Variants in COPG2 observed in about 807,000 individuals in gnomAD.
The protein encoded by COPG2 is coatomer subunit gamma-2.
COPG2 carries 37 observed loss-of-function variants against 46.3 expected under a neutral mutation model. The observed-to-expected ratio is 0.80, with a 90% confidence interval of 0.61 to 1.05. COPG2 has a LOEUF of 1.05. Among genes scored for constraint, COPG2 ranks in the 50% least tolerant of loss-of-function variants. COPG2 has a pLI of 0.00. For synonymous variants in COPG2, 159 were observed against 129.7 expected, an observed-to-expected ratio of 1.23 and a Z score of -1.53; for missense variants, 427 against 387.8, an observed-to-expected ratio of 1.10 and a Z score of -0.85.
intron 20 of COPG2, among the ~76,000 whole-genome samples, chr7:130,531,818 G>T (rs1799828863): frequency 1.4e-5 from 2 of 141,086 alleles, no homozygotes; most frequent in South Asian, 2.6e-4. Flanking sequence ...GCCGTCCACA[G>T]CAGTGATTCT....
intron 9 of COPG2, among the ~76,000 whole-genome samples, chr7:130,578,155 A>G (rs1361586117): frequency 1.3e-5 from 2 of 150,156 alleles, no homozygotes; most frequent in Non-Finnish European, 3.0e-5. Context: ...AGATCTGAGA[A>G]CGGGCAGACT....
intron 9 of COPG2, among the ~76,000 whole-genome samples, chr7:130,571,216 G>A (rs1793891618): frequency 6.6e-6 from 1 of 152,164 alleles, no homozygotes; most frequent in African/African-American, 2.4e-5. Flanking sequence ...AAACTAAAAA[G>A]CTTCTGTACA....
chr7:130,583,794 A>G (rs151100129), intron 9 of COPG2, among the ~76,000 whole-genome samples: 55,406 of 124,166 alleles, frequency 0.45, 14,560 homozygotes, highest in East Asian at 0.61. Context: ...CAACAGAGCG[A>G]GACTCCATCT....
chr7:130,548,174 G>A (rs1793475427), intron 19 of COPG2, among the ~76,000 whole-genome samples: 1 of 152,206 alleles, frequency 6.6e-6, no homozygotes, highest in African/African-American at 2.4e-5. Flanking sequence ...TATACTTTAT[G>A]TTGTCCAACT....
Position 130,554,716 on chromosome 7 carries a change from A to ACC in COPG2, c.1232_1233insGG (p.Phe411LeufsTer12). ...AGTCCACAATGGCCCGCTTGTACTC[A>ACC]AAGCCTCCCTGGCAAAAAAGAAGAT... On this transcript the variant is annotated frameshift_variant, in exon 14 of 24. Coordinates refer to ENST00000425248, the MANE Select transcript of COPG2 (RefSeq NM_012133.6). LOFTEE classifies it high-confidence loss of function. 7.5e-6 allele frequency: 3 copies of ACC among 398,622 alleles called. No individual in the cohort carries two copies. The highest frequency in any genetic ancestry group is 1.3e-5 in the Non-Finnish European group (3 of 226,068). The allele number at this position is 398,622 out of a possible 1,614,324, so 24.7% of individuals were successfully genotyped here.
At chr7:130,618,161 C>T (rs1419507033) in intron 5 of COPG2, among the ~76,000 whole-genome samples, 9 of 141,924 alleles carry the variant, frequency 6.3e-5, no homozygotes, top group South Asian at 2.3e-4. Context: ...AATTTTGTAG[C>T]GTGGGCATTT....
chr7:130,515,688 T>C (rs1306283706), intron 20 of COPG2, among the ~76,000 whole-genome samples: 2 of 151,808 alleles, frequency 1.3e-5, no homozygotes, highest in African/African-American at 4.8e-5. Flanking sequence ...CTGAAGAGAC[T>C]TGAATGAAAG....
At chr7:130,610,068 TACTG>T (rs782201291) in intron 9 of COPG2, 1 of 519,444 alleles carries the variant, frequency 1.9e-6, no homozygotes. Context: ...AGTCAGCTTC[TACTG>T]ACTATTTTTT....
At chr7:130,650,457 A>G (rs1470367685) in intron 5 of COPG2, among the ~76,000 whole-genome samples, 1 of 151,968 alleles carries the variant, frequency 6.6e-6, no homozygotes, top group Non-Finnish European at 1.5e-5. Flanking sequence ...CAAACAAAAA[A>G]CTCTCAGTCA....
intron 5 of COPG2, among the ~76,000 whole-genome samples, chr7:130,639,241 G>T (rs1422609223): frequency 1.3e-5 from 2 of 152,156 alleles, no homozygotes; most frequent in African/African-American, 4.8e-5. Flanking sequence ...ATTATAGTCT[G>T]TCATTTCTAG....
chr7:130,618,453 T>C (rs1794986580), intron 5 of COPG2, among the ~76,000 whole-genome samples: 1 of 152,206 alleles, frequency 6.6e-6, no homozygotes, highest in African/African-American at 2.4e-5. Flanking sequence ...CATTTTGACA[T>C]ATCTGGGTAC....
intron 5 of COPG2, among the ~76,000 whole-genome samples, chr7:130,618,438 T>G (rs1231510325): frequency 6.6e-6 from 1 of 152,202 alleles, no homozygotes; most frequent in African/African-American, 2.4e-5. Context: ...TTCTTTTTAT[T>G]TTTCCATTTT....
intron 9 of COPG2, among the ~76,000 whole-genome samples, chr7:130,565,864 C>T (rs1025526045): frequency 0.017 from 2,603 of 151,588 alleles, 44 homozygotes; most frequent in Middle Eastern, 0.041. Context: ...AATAAGAAAA[C>T]TTGTAGATCT....
intron 9 of COPG2, among the ~76,000 whole-genome samples, chr7:130,609,300 T>C (rs529514083): frequency 6.6e-6 from 1 of 152,284 alleles, no homozygotes; most frequent in South Asian, 2.1e-4. Flanking sequence ...AATTGAATCA[T>C]GGGGGCAAGT....
rs1445778752 is a variant in COPG2, at chr7:130,659,357, A to AAAAAAAAAAAAAAC, written c.243+3609_243+3610insGTTTTTTTTTTTTT. ...GCGACAGAGCAAGACTCCGTCTCAA[A>AAAAAAAAAAAAAAC]AAAAAAAAAAACGAACAAACAAGCA... is the stretch of plus-strand genomic sequence containing the variant. On this transcript the variant is annotated intron_variant, in intron 4 of 23. Coordinates refer to ENST00000425248, the MANE Select transcript of COPG2 (RefSeq NM_012133.6). Among the ~76,000 whole-genome samples, 41 of 146,754 alleles carry AAAAAAAAAAAAAAC rather than the reference A, an allele frequency of 2.8e-4. 1 individual carries two copies. Among genetic ancestry groups the AAAAAAAAAAAAAAC allele is most frequent in the African/African-American group, 7.1e-4 (27 of 38,188 alleles).
intron 20 of COPG2, among the ~76,000 whole-genome samples, chr7:130,514,923 A>G (rs965160791): frequency 6.6e-6 from 1 of 152,338 alleles, no homozygotes; most frequent in Middle Eastern, 3.4e-3. Context: ...GCCAGATTGC[A>G]GTGACTAGTA....
In COPG2 at chr7:130,552,347, T is replaced by G. The variant is rs1357029239; in HGVS notation, c.1544+8A>C. 4 of 398,346 alleles carry G rather than the reference T, an allele frequency of 1.0e-5. 1 individual carries two copies. Among genetic ancestry groups the G allele is most frequent in the Non-Finnish European group, 1.8e-5 (4 of 225,868 alleles). The allele number at this position is 398,346 out of a possible 1,614,324, so 24.7% of individuals were successfully genotyped here. A position where few individuals can be genotyped will look rare whatever the true frequency, so the allele number is the denominator to read the frequency against. On this transcript the variant is annotated splice_region_variant and intron_variant, in intron 15 of 23. Coordinates refer to ENST00000425248, the MANE Select transcript of COPG2 (RefSeq NM_012133.6). ...ATTTTTTTTTAGAAAAGACATTATTTAACTTACCTCTGTAAGAGTACAAGG... is the reference window on the plus strand; with the variant it reads ...ATTTTTTTTTAGAAAAGACATTATTGAACTTACCTCTGTAAGAGTACAAGG...
chr7:130,667,372 T>C (rs1195489791), intron 2 of COPG2, 110 bp downstream of exon 2: 2 of 840,764 alleles, frequency 2.4e-6, no homozygotes, highest in South Asian at 3.5e-5. Context: ...CCCTAAACTC[T>C]GTTACGTTTC....
At chr7:130,582,329 C>T (rs1224862501) in intron 9 of COPG2, among the ~76,000 whole-genome samples, 2 of 146,798 alleles carry the variant, frequency 1.4e-5, no homozygotes, top group African/African-American at 5.0e-5. Context: ...TTCCTTACAC[C>T]TTATACAAAA....
Sources: gnomAD v4.1 joint callset for allele counts (sites outside exome capture counted in the v4.1 genomes callset) on GRCh38, gnomAD v4.1.1 for gene constraint, MANE v1.5 for transcripts, NCBI Gene and HGNC (gene_info 2026-07-23, HGNC 2026-07-21) for gene names.